CTNNA3: variants seen among roughly 807,000 people sequenced by gnomAD.
The protein encoded by CTNNA3 is catenin alpha 3.
Under a neutral mutation model 95.7 loss-of-function variants are expected in CTNNA3, and 76 were observed. The observed-to-expected ratio is 0.79, with a 90% CI of 0.66 to 0.96. The LOEUF is 0.96. Among genes scored for constraint, CTNNA3 ranks in the 40% least tolerant of loss-of-function variants. The probability of loss-of-function intolerance (pLI) is 0.00; values close to 1 mark genes in which losing one functional copy is unlikely to be tolerated. For missense variants in CTNNA3, 1,191 were observed against 1,089.8 expected (o/e 1.09, Z -1.31); for synonymous variants, 431 against 374.4 (o/e 1.15, Z -1.74).
intron 5 of CTNNA3, among the ~76,000 whole-genome samples, chr10:67,358,146 A>G (rs1842881069): frequency 6.6e-6 from 1 of 152,158 alleles, no homozygotes; most frequent in African/African-American, 2.4e-5. Context: ...TGGGTCACAG[A>G]CCTGTTAAAT....
chr10:67,540,073 G>A (rs1227066120), intron 3 of CTNNA3, among the ~76,000 whole-genome samples: 2 of 152,050 alleles, frequency 1.3e-5, no homozygotes, highest in African/African-American at 4.8e-5. Flanking sequence ...TAGGACTGCA[G>A]CTCTCTGATA....
chr10:67,070,453 T>A (rs1274178143), intron 7 of CTNNA3, among the ~76,000 whole-genome samples: 1 of 152,066 alleles, frequency 6.6e-6, no homozygotes, highest in Non-Finnish European at 1.5e-5. Flanking sequence ...GTGTCCCGAT[T>A]AAGAAATCCT....
At chr10:66,368,436 T>C (rs61867318) in intron 12 of CTNNA3, among the ~76,000 whole-genome samples, 14,652 of 151,984 alleles carry the variant, frequency 0.096, 930 homozygotes, top group Middle Eastern at 0.18. Context: ...GTGATAATCC[T>C]ACACCCATGC....
chr10:67,484,435 T>C (rs1233459792), intron 5 of CTNNA3, among the ~76,000 whole-genome samples: 2 of 151,876 alleles, frequency 1.3e-5, no homozygotes, highest in Non-Finnish European at 1.5e-5. Context: ...CAAAACCATT[T>C]ACCAAAAAAA....
chr10:66,773,509 G>C (rs1840177644), intron 8 of CTNNA3, among the ~76,000 whole-genome samples: 1 of 152,176 alleles, frequency 6.6e-6, no homozygotes, highest in African/African-American at 2.4e-5. Flanking sequence ...ACAGGAAGAA[G>C]CACTGAGGTT....
At chr10:67,487,862 T>C (rs1435884665) in intron 5 of CTNNA3, among the ~76,000 whole-genome samples, 1 of 152,108 alleles carries the variant, frequency 6.6e-6, no homozygotes, top group Non-Finnish European at 1.5e-5. Flanking sequence ...CCACAGGATG[T>C]CTAATGGGAA....
At position 67,082,541 on chromosome 10, in the gene CTNNA3, A is replaced by C. The variant is rs1477449256; in HGVS notation, c.1047+97776T>G. On this transcript the variant is annotated intron_variant, in intron 7 of 17. Coordinates refer to ENST00000433211, the MANE Select transcript of CTNNA3 (RefSeq NM_013266.4). Reference sequence around the variant, plus strand: ...TTACTATAGTAAGAAGTTGAGAATCACTTTCTTTCCTACCAAATTCTCAAT... The same window carrying C: ...TTACTATAGTAAGAAGTTGAGAATCCCTTTCTTTCCTACCAAATTCTCAAT... Among the ~76,000 whole-genome samples the C allele has an allele frequency of 2.0e-5, 3 of 152,178 alleles. No individual in the cohort carries two copies. The East Asian group carries it at 5.8e-4, about 29-fold the overall frequency.
chr10:67,213,417 CT>C (rs1864223513), intron 6 of CTNNA3, among the ~76,000 whole-genome samples: 1 of 151,614 alleles, frequency 6.6e-6, no homozygotes, highest in Non-Finnish European at 1.5e-5. Context: ...CTTTGTTGAA[CT>C]TCTCTACTGT....
At chr10:67,738,174 G>T (rs60703194) in intron 1 of CTNNA3, among the ~76,000 whole-genome samples, 18,947 of 152,016 alleles carry the variant, frequency 0.12, 1,765 homozygotes, top group African/African-American at 0.27. Flanking sequence ...CACCAGGAGG[G>T]GCCGAAAGAC....
At position 66,516,499 on chromosome 10, in the gene CTNNA3, C is replaced by T. The variant is rs565982358; in HGVS notation, c.1531+4118G>A. On this transcript the variant is annotated intron_variant, in intron 11 of 17. Transcript: ENST00000433211. Reference sequence around the variant, plus strand: ...ATTAGAACCTGTTTATTCCAGCTCACAAGAGCCGATTCTATGCATTTCGTA... The same window carrying T: ...ATTAGAACCTGTTTATTCCAGCTCATAAGAGCCGATTCTATGCATTTCGTA... Among the ~76,000 whole-genome samples, 21 of 152,254 alleles carry T rather than the reference C, an allele frequency of 1.4e-4. No homozygotes were observed. The South Asian group carries it at 3.7e-3, about 27-fold the overall frequency.
At chr10:67,060,622 C>G (rs1289268053) in intron 7 of CTNNA3, among the ~76,000 whole-genome samples, 2 of 152,112 alleles carry the variant, frequency 1.3e-5, no homozygotes, top group African/African-American at 4.8e-5. Flanking sequence ...TAGCAAAAAT[C>G]TCATGTGCTG....
intron 7 of CTNNA3, among the ~76,000 whole-genome samples, chr10:66,788,384 T>C (rs1220534782): frequency 6.6e-6 from 1 of 152,162 alleles, no homozygotes; most frequent in African/African-American, 2.4e-5. Context: ...AAGCTCCCGA[T>C]GAAGCACAGC....
intron 11 of CTNNA3, among the ~76,000 whole-genome samples, chr10:66,385,617 A>T (rs546635646): frequency 6.6e-6 from 1 of 152,306 alleles, no homozygotes; most frequent in African/African-American, 2.4e-5. Flanking sequence ...CTGATACCAA[A>T]GCCTGGCAGA....
At chr10:66,664,650 G>A (rs528303844) in intron 9 of CTNNA3, among the ~76,000 whole-genome samples, 141 of 151,944 alleles carry the variant, frequency 9.3e-4, no homozygotes, top group Non-Finnish European at 1.5e-3. Context: ...GGTATGTTCC[G>A]TCTCTCCTAC....
At chr10:66,066,630 A>T (rs1207708195) in intron 15 of CTNNA3, among the ~76,000 whole-genome samples, 1 of 152,210 alleles carries the variant, frequency 6.6e-6, no homozygotes, top group Non-Finnish European at 1.5e-5. Flanking sequence ...AGACATTTAA[A>T]GAGGTATTTT....
intron 11 of CTNNA3, among the ~76,000 whole-genome samples, chr10:66,448,228 G>A (rs901908186): frequency 6.6e-5 from 10 of 152,118 alleles, no homozygotes; most frequent in African/African-American, 2.4e-4. Context: ...CACTGTTGGT[G>A]GGACTGTAAA....
rs563360691 is a variant in CTNNA3, at chr10:66,717,827, C to T, written c.1281+48437G>A. Among the ~76,000 whole-genome samples the T allele has an allele frequency of 1.3e-4, 20 of 152,276 alleles. No homozygotes were observed. The South Asian group carries it at 1.7e-3, about 13-fold the overall frequency. On this transcript the variant is annotated intron_variant, in intron 9 of 17. Transcript: ENST00000433211. ...CAGGTGATTTCCTTGAGAATGCTGACGATTCAATTTGCTGACAGCAGCTCT... is the reference window on the plus strand; with the variant it reads ...CAGGTGATTTCCTTGAGAATGCTGATGATTCAATTTGCTGACAGCAGCTCT...
intron 13 of CTNNA3, among the ~76,000 whole-genome samples, chr10:66,117,949 AAG>A (rs2082408673): frequency 6.6e-6 from 1 of 152,146 alleles, no homozygotes; most frequent in Admixed American, 6.5e-5. Flanking sequence ...AAAGCAGCCC[AAG>A]AGAGAGACCA....
intron 5 of CTNNA3, among the ~76,000 whole-genome samples, chr10:67,412,814 A>G (rs1845414081): frequency 6.6e-6 from 1 of 152,174 alleles, no homozygotes; most frequent in Non-Finnish European, 1.5e-5. Context: ...ATGCTGAGGG[A>G]ATACGTTTAA....
Sources: gnomAD v4.1 joint callset for allele counts (sites outside exome capture counted in the v4.1 genomes callset) on GRCh38, gnomAD v4.1.1 for gene constraint, MANE v1.5 for transcripts, NCBI Gene and HGNC (gene_info 2026-07-23, HGNC 2026-07-21) for gene names.